Variants in SH3PXD2B observed in about 807,000 individuals in gnomAD.
The protein encoded by SH3PXD2B is SH3 and PX domains 2B, also known as SH3 and PX domain-containing protein 2B.
A neutral mutation model predicts 73.1 loss-of-function variants in SH3PXD2B; 37 were observed. That is an observed-to-expected ratio of 0.51 (90% confidence interval 0.39 to 0.67). The LOEUF (loss-of-function observed/expected upper bound fraction) is 0.67, where lower values mean the gene tolerates loss of function less well. Ranked by LOEUF, SH3PXD2B falls within the 30% of genes least tolerant of loss-of-function variation. The pLI is 0.00. For missense variants in SH3PXD2B, 1,053 were observed against 1,197.8 expected, an observed-to-expected ratio of 0.88 and a Z score of 1.78; for synonymous variants, 457 against 480.5, an observed-to-expected ratio of 0.95 and a Z score of 0.64.
chr5:172,421,448 C>T lies in SH3PXD2B; in HGVS notation c.156+968G>A, dbSNP rs1363017834. Reference sequence around the variant, plus strand: ...GACTGGACATATACTGTGTGTTAGGCCTTGAATAAACTATTAAGGACAGAC... The same window carrying T: ...GACTGGACATATACTGTGTGTTAGGTCTTGAATAAACTATTAAGGACAGAC... On this transcript the variant is annotated intron_variant, in intron 2 of 12. Coordinates refer to ENST00000311601, the MANE Select transcript of SH3PXD2B (RefSeq NM_001017995.3). This position sits in a 1 kb window ranked among gnomAD's most constrained non-coding sequence, Gnocchi z 4.0. Among the ~76,000 whole-genome samples the T allele has an allele frequency of 6.6e-6, 1 of 152,160 alleles. No homozygotes were observed. The highest frequency in any genetic ancestry group is 2.4e-5 in the African/African-American group (1 of 41,424).
chr5:172,448,186 G>T (rs577264540), intron 1 of SH3PXD2B, among the ~76,000 whole-genome samples: 1 of 152,168 alleles, frequency 6.6e-6, no homozygotes, highest in African/African-American at 2.4e-5. Flanking sequence ...GCAGCAGCAT[G>T]GGCCCAGCCT....
intron 2 of SH3PXD2B, among the ~76,000 whole-genome samples, chr5:172,412,935 G>A (rs926923696): frequency 2.0e-5 from 3 of 152,222 alleles, no homozygotes; most frequent in African/African-American, 4.8e-5. Flanking sequence ...CACATCACAG[G>A]CTTCCAAGAA....
At chr5:172,362,602 G>T in intron 7 of SH3PXD2B, 133 bp downstream of exon 7, 1 of 1,269,988 alleles carries the variant, frequency 7.9e-7, no homozygotes, top group Non-Finnish European at 1.1e-6. Flanking sequence ...CCTCTTTCTA[G>T]GAGACCCTCA....
At chr5:172,378,972 A>G (rs1179260110) in intron 5 of SH3PXD2B, among the ~76,000 whole-genome samples, 1 of 148,444 alleles carries the variant, frequency 6.7e-6, no homozygotes, top group Non-Finnish European at 1.5e-5. Flanking sequence ...TGGGAGGCTG[A>G]GGCAGGAGAA....
Position 172,337,145 on chromosome 5 carries a change from T to C in SH3PXD2B, c.*1224A>G. On this transcript the variant is annotated 3_prime_UTR_variant, in exon 13 of 13. Transcript: ENST00000311601. ...CCACCAGGACCCTGGCATTCTCCTG[T>C]CATGGAGATGCAGCTGTTGAGTCCA... The C allele has an allele frequency of 1.0e-6, 1 of 985,524 alleles. No individual in the cohort carries two copies. Among genetic ancestry groups the C allele is most frequent in the Non-Finnish European group, 1.2e-6 (1 of 830,018 alleles). The allele number at this position is 985,524 out of a possible 1,614,324, so 61.0% of individuals were successfully genotyped here.
intron 3 of SH3PXD2B, among the ~76,000 whole-genome samples, chr5:172,404,716 C>T (rs1758513425): frequency 6.6e-6 from 1 of 152,128 alleles, no homozygotes; most frequent in South Asian, 2.1e-4. Context: ...TAGTGACCTG[C>T]CAGGCATTTA....
In SH3PXD2B at chr5:172,333,543, A is replaced by T. The variant is rs867881265; in HGVS notation, c.*4826T>A. On this transcript the variant is annotated 3_prime_UTR_variant, in exon 13 of 13. Coordinates refer to ENST00000311601, the MANE Select transcript of SH3PXD2B (RefSeq NM_001017995.3). ...CCAGTCAAGCACTTTTTTTATTTAA[A>T]AAAAAAAAAAGGAAAGAAGTCAAAT... 9,319 of 885,672 alleles carry T rather than the reference A, an allele frequency of 0.011. 3 individuals carry two copies. Among genetic ancestry groups the T allele is most frequent in the South Asian group, 0.049 (1,740 of 35,170 alleles). 54.9% of individuals were successfully genotyped at this position (885,672 alleles called of 1,614,324 possible).
At chr5:172,342,634 G>A (rs879509526) in intron 12 of SH3PXD2B, among the ~76,000 whole-genome samples, 9 of 152,170 alleles carry the variant, frequency 5.9e-5, no homozygotes, top group South Asian at 2.1e-4. Context: ...GGTGGCATGC[G>A]CCTGTAATCC....
intron 1 of SH3PXD2B, among the ~76,000 whole-genome samples, chr5:172,451,829 T>C (rs1474407012): frequency 4.6e-5 from 7 of 152,208 alleles, no homozygotes; most frequent in Non-Finnish European, 7.4e-5. Flanking sequence ...TCTGTTTCCA[T>C]TGGGTTTGGC....
intron 2 of SH3PXD2B, among the ~76,000 whole-genome samples, chr5:172,416,994 C>A (rs1758841565): frequency 6.6e-6 from 1 of 152,044 alleles, no homozygotes; most frequent in Non-Finnish European, 1.5e-5. Flanking sequence ...CAGGTGTGAG[C>A]CATCACACTC....
intron 4 of SH3PXD2B, among the ~76,000 whole-genome samples, chr5:172,390,546 G>T (rs954706348): frequency 6.6e-6 from 1 of 152,136 alleles, no homozygotes; most frequent in Non-Finnish European, 1.5e-5. Flanking sequence ...ACTGTGGCAC[G>T]CTCCCAGTGC....
rs142786813 is a variant in SH3PXD2B, at chr5:172,325,381, C to G, written c.1189-1G>C. On this transcript the variant is annotated splice_acceptor_variant, in intron 12 of 12. Coordinates refer to the SH3PXD2B transcript ENST00000519643. LOFTEE classifies it high-confidence loss of function. ...TCTCCAAGTGAACATTCTTATGATC[C>G]TAGATGAATGCAGGGAGAAAAATCA... 6.5e-7 allele frequency: 1 copy of G among 1,530,238 alleles called. No homozygotes were observed. The highest frequency in any genetic ancestry group is 2.0e-5 in the Admixed American group (1 of 50,710). The allele number at this position is 1,530,238 out of a possible 1,614,324, so 94.8% of individuals were successfully genotyped here. A position where few individuals can be genotyped will look rare whatever the true frequency, so the allele number is the denominator to read the frequency against.
Position 172,336,771 on chromosome 5 carries a change from AC to A in SH3PXD2B, c.*1597del. On this transcript the variant is annotated 3_prime_UTR_variant, in exon 13 of 13. Transcript: ENST00000311601. ...GGAAGGGGTTCTGCTCTGCTCTCTT[AC>A]TCTGGGCTGGGAGCTAGAAATGCTG... 1 of 985,268 alleles carries A rather than the reference AC, an allele frequency of 1.0e-6. No individual in the cohort carries two copies. Among genetic ancestry groups the A allele is most frequent in the South Asian group, 4.7e-5 (1 of 21,266 alleles). The allele number at this position is 985,268 out of a possible 1,614,324, so 61.0% of individuals were successfully genotyped here. A position where few individuals can be genotyped will look rare whatever the true frequency, so the allele number is the denominator to read the frequency against.
chr5:172,366,101 C>T (rs956759436), intron 6 of SH3PXD2B, among the ~76,000 whole-genome samples: 3 of 152,206 alleles, frequency 2.0e-5, no homozygotes, highest in African/African-American at 7.2e-5. Flanking sequence ...AAGAGACATG[C>T]CCACGTCTTC....
chr5:172,337,819 G>T lies in SH3PXD2B; in HGVS notation c.*550C>A. The T allele has an allele frequency of 1.0e-6, 1 of 999,726 alleles. No individual in the cohort carries two copies. Among genetic ancestry groups the T allele is most frequent in the Non-Finnish European group, 1.2e-6 (1 of 838,050 alleles). The allele number at this position is 999,726 out of a possible 1,614,324, so 61.9% of individuals were successfully genotyped here. A position where few individuals can be genotyped will look rare whatever the true frequency, so the allele number is the denominator to read the frequency against. ...CCACGGGCCTGAGGCTTTGGGGAAG[G>T]GGACACTTTCCCTGGAACTGGTAAT... is the stretch of plus-strand genomic sequence containing the variant. On this transcript the variant is annotated 3_prime_UTR_variant, in exon 13 of 13. Transcript: ENST00000311601.
intron 4 of SH3PXD2B, among the ~76,000 whole-genome samples, chr5:172,387,627 T>G (rs1341634745): frequency 1.3e-5 from 2 of 152,158 alleles, no homozygotes; most frequent in Non-Finnish European, 1.5e-5. Flanking sequence ...CCTTGAGGAA[T>G]CATTCATGCA....
At chr5:172,419,832 G>A (rs1758917456) in intron 2 of SH3PXD2B, among the ~76,000 whole-genome samples, 1 of 152,186 alleles carries the variant, frequency 6.6e-6, no homozygotes, top group Admixed American at 6.5e-5. Context: ...GAGGTGTCAG[G>A]CAGGCAAGAG....
chr5:172,439,238 GAAAAAAAAAAAAGAA>G (rs1192394687), intron 1 of SH3PXD2B, among the ~76,000 whole-genome samples: 1 of 33,238 alleles, frequency 3.0e-5, no homozygotes, highest in African/African-American at 1.4e-4. Context: ...AGAAAAAACA[GAAAAAAAAAAAAGAA>G]AAAAAAAAAA....
At chr5:172,347,871 ACAAACACACTGAAC>A (rs1757030376) in intron 10 of SH3PXD2B, among the ~76,000 whole-genome samples, 2 of 152,168 alleles carry the variant, frequency 1.3e-5, no homozygotes, top group Admixed American at 1.3e-4. Context: ...GCAACAATAC[ACAAACACACTGAAC>A]CAAACACACT....
Sources: gnomAD v4.1 joint callset for allele counts (sites outside exome capture counted in the v4.1 genomes callset) on GRCh38, gnomAD v4.1.1 for gene constraint, Gnocchi (gnomAD v3.1) non-coding constraint, MANE v1.5 for transcripts, NCBI Gene and HGNC (gene_info 2026-07-23, HGNC 2026-07-21) for gene names.